PANK3: variants seen among roughly 807,000 people sequenced by gnomAD.
The protein encoded by PANK3 is hPanK3.
In PANK3, 20 loss-of-function variants were observed where a neutral mutation model predicts 39.4. That is an observed-to-expected ratio of 0.51 (90% confidence interval 0.36 to 0.74). PANK3 has a LOEUF of 0.74. Ranked by LOEUF, PANK3 falls within the 30% of genes least tolerant of loss-of-function variation. The pLI is 0.00. For synonymous variants in PANK3, 140 were observed against 157.3 expected, an observed-to-expected ratio of 0.89 and a Z score of 0.82; for missense variants, 265 against 437.0, an observed-to-expected ratio of 0.61 and a Z score of 3.51.
intron 1 of PANK3, among the ~76,000 whole-genome samples, chr5:168,574,058 G>C (rs1759692184): frequency 6.6e-6 from 1 of 150,776 alleles, no homozygotes; most frequent in African/African-American, 2.5e-5. Flanking sequence ...GGGTCAAATG[G>C]TATTTCTAGT....
rs542335144 is a variant in PANK3, at chr5:168,554,072, T to C, written c.*3499A>G. 6.6e-6 allele frequency: 1 copy of C among 152,328 alleles called. No individual in the cohort carries two copies. Among genetic ancestry groups the C allele is most frequent in the South Asian group, 2.1e-4 (1 of 4,824 alleles). The allele number at this position is 152,328 out of a possible 1,614,324, so 9.4% of individuals were successfully genotyped here. A position where few individuals can be genotyped will look rare whatever the true frequency, so the allele number is the denominator to read the frequency against. Reference sequence around the variant, plus strand: ...CAGTGTTTAGTAAACAAAAGCATAATAGTTCCAAAATTTGTAAAGCCTTTT... The same window carrying C: ...CAGTGTTTAGTAAACAAAAGCATAACAGTTCCAAAATTTGTAAAGCCTTTT... On this transcript the variant is annotated 3_prime_UTR_variant, in exon 7 of 7. Coordinates refer to ENST00000239231, the MANE Select transcript of PANK3 (RefSeq NM_024594.4).
chr5:168,566,131 G>A lies in PANK3; in HGVS notation c.517C>T (p.Gln173Ter). 1 of 1,613,816 alleles carries A rather than the reference G, an allele frequency of 6.2e-7. No individual in the cohort carries two copies. Among genetic ancestry groups the A allele is most frequent in the Non-Finnish European group, 8.5e-7 (1 of 1,179,960 alleles). ...TCATCCAGGTTAAAAGGCATCTTTT[G>A]GCATCGCTCAGGTTCTGAGGCATTA... is the stretch of plus-strand genomic sequence containing the variant. The part of the protein sequence containing the change: ...FANASEPERC[Q>*]KMPFNLDDPY... The change falls in exon 3 of 7, where the codon CAA becomes TAA. Residue 173 changes from glutamine (Q) to a stop codon, truncating the protein, a stop_gained. Coordinates refer to ENST00000239231, the MANE Select transcript of PANK3 (RefSeq NM_024594.4). LOFTEE classifies it high-confidence loss of function.
rs1316414196 is a variant in PANK3, at chr5:168,553,186, C to A, written c.*4385G>T. Reference sequence around the variant, plus strand: ...TATCACTGGGCATAGCTCTTCAGACCCCAAGATGAACTCCAGACCAAAGAT... The same window carrying A: ...TATCACTGGGCATAGCTCTTCAGACACCAAGATGAACTCCAGACCAAAGAT... On this transcript the variant is annotated 3_prime_UTR_variant, in exon 7 of 7. Coordinates refer to ENST00000239231, the MANE Select transcript of PANK3 (RefSeq NM_024594.4). 6.0e-6 allele frequency: 3 copies of A among 498,608 alleles called. No individual in the cohort carries two copies. The highest frequency in any genetic ancestry group is 1.5e-5 in the South Asian group (1 of 66,092). 30.9% of individuals were successfully genotyped at this position (498,608 alleles called of 1,614,324 possible). A position where few individuals can be genotyped will look rare whatever the true frequency, so the allele number is the denominator to read the frequency against.
chr5:168,552,984 T>C lies in PANK3; in HGVS notation c.*4587A>G. The C allele has an allele frequency of 4.5e-6, 1 of 219,852 alleles. No homozygotes were observed. Among genetic ancestry groups the C allele is most frequent in the East Asian group, 1.4e-4 (1 of 7,376 alleles). The allele number at this position is 219,852 out of a possible 1,614,324, so 13.6% of individuals were successfully genotyped here. A position where few individuals can be genotyped will look rare whatever the true frequency, so the allele number is the denominator to read the frequency against. On this transcript the variant is annotated 3_prime_UTR_variant, in exon 7 of 7. Coordinates refer to ENST00000239231, the MANE Select transcript of PANK3 (RefSeq NM_024594.4). The stretch of plus-strand genomic sequence containing the variant: ...CCAGTGTAGTGACTTGCTTTTCTTG[T>C]ATCATCCTAGCACTCTTATCTCCTA...
chr5:168,571,180 T>C (rs1759624682), intron 1 of PANK3, among the ~76,000 whole-genome samples: 1 of 152,244 alleles, frequency 6.6e-6, no homozygotes, highest in South Asian at 2.1e-4. Flanking sequence ...CTTATATTTA[T>C]TGGCCACAAT....
At chr5:168,576,631 A>C (rs2113039275) in intron 1 of PANK3, among the ~76,000 whole-genome samples, 1 of 152,318 alleles carries the variant, frequency 6.6e-6, no homozygotes. Context: ...TGTATTTAGA[A>C]GAAATATTTT....
Position 168,566,455 on chromosome 5 carries a change from C to G in PANK3, c.382-189G>C, listed in dbSNP as rs116446538. Among the ~76,000 whole-genome samples the G allele has an allele frequency of 1.1e-3, 160 of 152,254 alleles. 1 individual carries two copies. The highest frequency in any genetic ancestry group is 3.8e-3 in the African/African-American group (158 of 41,548). ...GTCCTCAGTGAGGGTGGTATCACCT[C>G]ACTGCTAGTTTTCTAAATGATGGGG... On this transcript the variant is annotated intron_variant, in intron 2 of 6. Coordinates refer to ENST00000239231, the MANE Select transcript of PANK3 (RefSeq NM_024594.4).
chr5:168,574,861 C>CA (rs919772510), intron 1 of PANK3, among the ~76,000 whole-genome samples: 72 of 149,380 alleles, frequency 4.8e-4, no homozygotes, highest in African/African-American at 1.3e-3. Context: ...GACTCCATCT[C>CA]AAAAAAAAAG....
intron 1 of PANK3, among the ~76,000 whole-genome samples, 181 bp from the exon 2 acceptor site, chr5:168,569,179 AGTT>A (rs1476762285): frequency 2.2e-5 from 3 of 139,488 alleles, no homozygotes; most frequent in African/African-American, 8.4e-5. Flanking sequence ...TTCCCTTCAA[AGTT>A]TTTTTTTTTT....
rs1269978931 is a variant in PANK3, at chr5:168,579,295, G to A, written c.-12C>T. ...TCTTTGATCTTCATGGCGTCGGCCCGAGGGGCGATGGACGGCCTCCGATCC... is the reference window on the plus strand; with the variant it reads ...TCTTTGATCTTCATGGCGTCGGCCCAAGGGGCGATGGACGGCCTCCGATCC... On this transcript the variant is annotated 5_prime_UTR_variant, in exon 1 of 7. Coordinates refer to ENST00000239231, the MANE Select transcript of PANK3 (RefSeq NM_024594.4). 1.3e-6 allele frequency: 2 copies of A among 1,485,084 alleles called. No individual in the cohort carries two copies. The highest frequency in any genetic ancestry group is 1.8e-6 in the Non-Finnish European group (2 of 1,113,598). The allele number at this position is 1,485,084 out of a possible 1,614,324, so 92.0% of individuals were successfully genotyped here. A position where few individuals can be genotyped will look rare whatever the true frequency, so the allele number is the denominator to read the frequency against.
chr5:168,566,627 T>A (rs962350809), intron 2 of PANK3, among the ~76,000 whole-genome samples: 1 of 152,210 alleles, frequency 6.6e-6, no homozygotes, highest in East Asian at 1.9e-4. Context: ...ATAGTGGCAG[T>A]AGGAAAATTA....
rs182845718 is a variant in PANK3, at chr5:168,572,065, G to C, written c.29-3067C>G. Reference sequence around the variant, plus strand: ...AACTAAGCAACATAAGCAGAAGAAAGTGACTATATTTTCTCAGTTTTGTTG... The same window carrying C: ...AACTAAGCAACATAAGCAGAAGAAACTGACTATATTTTCTCAGTTTTGTTG... On this transcript the variant is annotated intron_variant, in intron 1 of 6. Transcript: ENST00000239231. Among the ~76,000 whole-genome samples, 226 of 150,294 alleles carry C rather than the reference G, an allele frequency of 1.5e-3. 2 individuals carry two copies. The highest frequency in any genetic ancestry group is 5.1e-3 in the African/African-American group (210 of 41,022).
intron 1 of PANK3, among the ~76,000 whole-genome samples, chr5:168,575,675 AC>A (rs1442249083): frequency 2.6e-5 from 4 of 152,150 alleles, no homozygotes; most frequent in Non-Finnish European, 4.4e-5. Flanking sequence ...AGTTCTAGCT[AC>A]TGGGGAGGCT....
rs1759263985 is a variant in PANK3, at chr5:168,550,827, A to G, written c.*6744T>C. 1 of 152,076 alleles carries G rather than the reference A, an allele frequency of 6.6e-6. No individual in the cohort carries two copies. Among genetic ancestry groups the G allele is most frequent in the South Asian group, 2.1e-4 (1 of 4,828 alleles). 9.4% of individuals were successfully genotyped at this position (152,076 alleles called of 1,614,324 possible). On this transcript the variant is annotated 3_prime_UTR_variant, in exon 7 of 7. Transcript: ENST00000239231. ...ACTCATTTCCCATCATAACAAACCA[A>G]CTCCCTCATTTTACAAATAAAAATA...
At chr5:168,559,544 G>A (rs1455871509) in intron 5 of PANK3, among the ~76,000 whole-genome samples, 3 of 152,046 alleles carry the variant, frequency 2.0e-5, no homozygotes, top group East Asian at 1.9e-4. Context: ...TTAATTTTAC[G>A]TGAACCTGAA....
intron 2 of PANK3, among the ~76,000 whole-genome samples, chr5:168,567,848 A>C (rs1311193857): frequency 6.6e-6 from 1 of 152,118 alleles, no homozygotes; most frequent in African/African-American, 2.4e-5. Flanking sequence ...TCCAACTCCT[A>C]GCCTCAAGTG....
intron 5 of PANK3, among the ~76,000 whole-genome samples, chr5:168,559,381 G>A: frequency 6.6e-6 from 1 of 152,108 alleles, no homozygotes; most frequent in East Asian, 1.9e-4. Flanking sequence ...GTAACACCAA[G>A]AGAGAACCCT....
intron 1 of PANK3, chr5:168,578,666 G>A (rs1220830566): frequency 3.9e-5 from 6 of 152,216 alleles, no homozygotes; most frequent in Admixed American, 3.9e-4. Context: ...TCCGGGTGCG[G>A]GGAATACGGG....
intron 1 of PANK3, among the ~76,000 whole-genome samples, chr5:168,575,251 T>C (rs947499023): frequency 6.6e-6 from 1 of 152,204 alleles, no homozygotes; most frequent in Non-Finnish European, 1.5e-5. Context: ...TCCCCATATG[T>C]AGCAAAAATA....
Sources: gnomAD v4.1 joint callset for allele counts (sites outside exome capture counted in the v4.1 genomes callset) on GRCh38, gnomAD v4.1.1 for gene constraint, MANE v1.5 for transcripts, NCBI Gene and HGNC (gene_info 2026-07-23, HGNC 2026-07-21) for gene names.